KCNQ5: variants seen among roughly 807,000 people sequenced by gnomAD.
The protein encoded by KCNQ5 is potassium voltage-gated channel subfamily KQT member 5.
A neutral mutation model predicts 98.2 loss-of-function variants in KCNQ5; 30 were observed. The observed-to-expected ratio is 0.31, with a 90% confidence interval of 0.23 to 0.41. KCNQ5 has a LOEUF of 0.41. Among genes scored for constraint, KCNQ5 ranks in the 10% least tolerant of loss-of-function variants. The pLI, the probability that KCNQ5 is intolerant of heterozygous loss-of-function variation, is 1.00. For synonymous variants in KCNQ5, 458 were observed against 449.4 expected, an observed-to-expected ratio of 1.02 and a Z score of -0.24; for missense variants, 835 against 1,182.5, an observed-to-expected ratio of 0.71 and a Z score of 4.31.
At chr6:72,874,580 A>G (rs1935509) in intron 1 of KCNQ5, among the ~76,000 whole-genome samples, 26,964 of 152,130 alleles carry the variant, frequency 0.18, 2,730 homozygotes, top group East Asian at 0.3. Flanking sequence ...GAAGAAAAAG[A>G]GCCAAAAGGC....
intron 5 of KCNQ5, among the ~76,000 whole-genome samples, chr6:73,092,741 C>G (rs1774306372): frequency 6.6e-6 from 1 of 152,060 alleles, no homozygotes; most frequent in African/African-American, 2.4e-5. Context: ...TAAACTATCC[C>G]TGCATCCCTG....
intron 3 of KCNQ5, among the ~76,000 whole-genome samples, chr6:73,062,386 G>A (rs942647605): frequency 6.6e-6 from 1 of 152,170 alleles, no homozygotes; most frequent in Non-Finnish European, 1.5e-5. Context: ...GTCCACACCA[G>A]CCATGCCCTT....
chr6:73,003,176 A>C (rs1206726707), intron 1 of KCNQ5, among the ~76,000 whole-genome samples: 1 of 152,142 alleles, frequency 6.6e-6, no homozygotes, highest in East Asian at 1.9e-4. Context: ...CCTAGAAGTT[A>C]CACATTTGTA....
rs1015051615 is a variant in KCNQ5, at chr6:73,129,729, C to G, written c.1248-3692C>G. The G allele has an allele frequency of 2.2e-6, 3 of 1,380,066 alleles. No individual in the cohort carries two copies. In the East Asian group the frequency reaches 7.0e-5, roughly 32 times the overall value. The allele number at this position is 1,380,066 out of a possible 1,614,324, so 85.5% of individuals were successfully genotyped here. On this transcript the variant is annotated intron_variant, in intron 9 of 13. Coordinates refer to ENST00000370398, the MANE Select transcript of KCNQ5 (RefSeq NM_019842.4). Reference sequence around the variant, plus strand: ...AATGGCTTTGTTTTTATAAAAGAATCCCTGAGCACTTTCCTATTCGTGAAA... The same window carrying G: ...AATGGCTTTGTTTTTATAAAAGAATGCCTGAGCACTTTCCTATTCGTGAAA...
At chr6:72,873,546 A>T (rs777607834) in intron 1 of KCNQ5, among the ~76,000 whole-genome samples, 13 of 152,098 alleles carry the variant, frequency 8.5e-5, no homozygotes, top group Non-Finnish European at 1.5e-4. Context: ...TGCTTACATG[A>T]TATTTCTGCT....
chr6:72,802,871 G>T (rs1472218216), intron 1 of KCNQ5, among the ~76,000 whole-genome samples: 1 of 152,064 alleles, frequency 6.6e-6, no homozygotes, highest in Admixed American at 6.6e-5. Flanking sequence ...TGTAAACTCT[G>T]TGCTCATATA....
intron 1 of KCNQ5, among the ~76,000 whole-genome samples, chr6:72,723,350 T>C (rs1469428672): frequency 6.6e-6 from 1 of 152,254 alleles, no homozygotes; most frequent in Non-Finnish European, 1.5e-5. Flanking sequence ...ATGTGTTAAC[T>C]TATTAACGGT....
intron 1 of KCNQ5, among the ~76,000 whole-genome samples, chr6:72,851,581 G>A (rs1022466614): frequency 1.3e-5 from 2 of 152,094 alleles, no homozygotes; most frequent in African/African-American, 2.4e-5. Flanking sequence ...AAGAAGGCAT[G>A]TAGAAGGCAA....
At chr6:73,026,722 T>G (rs1036563697) in intron 2 of KCNQ5, among the ~76,000 whole-genome samples, 5 of 152,190 alleles carry the variant, frequency 3.3e-5, no homozygotes, top group African/African-American at 1.2e-4. Context: ...ATGAGTGGGC[T>G]TATTTTATTT....
intron 1 of KCNQ5, among the ~76,000 whole-genome samples, chr6:72,645,123 C>A (rs1241441469): frequency 2.0e-5 from 3 of 148,246 alleles, no homozygotes; most frequent in East Asian, 4.1e-4. Flanking sequence ...AATCTTAGCA[C>A]TGTGAGAGGC....
intron 1 of KCNQ5, among the ~76,000 whole-genome samples, chr6:72,952,097 G>T (rs896846392): frequency 6.6e-6 from 1 of 152,196 alleles, no homozygotes; most frequent in Non-Finnish European, 1.5e-5. Context: ...AAGGTAAGAA[G>T]GATGGATGGT....
rs1026407821 is a variant in KCNQ5 at position 72,852,640 on chromosome 6, A to AATAAATAAATATATATATATATATAT, written c.399-151265_399-151264insAATAAATATATATATATATATATATA. Among the ~76,000 whole-genome samples the AATAAATAAATATATATATATATATAT allele has an allele frequency of 4.0e-4, 23 of 56,794 alleles. 1 individual carries two copies. The highest frequency in any genetic ancestry group is 0.011 in the Middle Eastern group (1 of 92). The allele number at this position is 56,794 out of a possible 152,430, so 37.3% of individuals were successfully genotyped here. A position where few individuals can be genotyped will look rare whatever the true frequency, so the allele number is the denominator to read the frequency against. ...AGTGGAGAGAAGGAGATGAAGGGGA[A>AATAAATAAATATATATATATATATAT]ATATATATATATATATATATAAATG... On this transcript the variant is annotated intron_variant, in intron 1 of 13. Coordinates refer to ENST00000370398, the MANE Select transcript of KCNQ5 (RefSeq NM_019842.4).
At chr6:73,059,247 A>T (rs368272339) in intron 3 of KCNQ5, among the ~76,000 whole-genome samples, 1 of 152,210 alleles carries the variant, frequency 6.6e-6, no homozygotes, top group East Asian at 1.9e-4. Context: ...AAAGAACAAG[A>T]TCATGTCTTT....
chr6:73,033,133 G>T (rs1771226432), intron 2 of KCNQ5, among the ~76,000 whole-genome samples: 1 of 151,940 alleles, frequency 6.6e-6, no homozygotes, highest in Non-Finnish European at 1.5e-5. Context: ...GGATGCATAG[G>T]GCCACTCCAG....
rs1554689823 is a variant in KCNQ5, at chr6:72,698,648, C to CTTCTT, written c.398+76063_398+76064insCTTTT. ...AAATCTGTGTTTTTTTCTTCTTCTT[C>CTTCTT]TTTTTTTTTTTTTTTTTTTTTTGGA... On this transcript the variant is annotated intron_variant, in intron 1 of 13. Coordinates refer to ENST00000370398, the MANE Select transcript of KCNQ5 (RefSeq NM_019842.4). Among the ~76,000 whole-genome samples the CTTCTT allele has an allele frequency of 6.9e-3, 647 of 94,098 alleles. 8 individuals carry two copies. Among genetic ancestry groups the CTTCTT allele is most frequent in the East Asian group, 0.036 (85 of 2,370 alleles). 61.7% of individuals were successfully genotyped at this position (94,098 alleles called of 152,430 possible). A position where few individuals can be genotyped will look rare whatever the true frequency, so the allele number is the denominator to read the frequency against.
intron 1 of KCNQ5, among the ~76,000 whole-genome samples, chr6:72,854,148 G>A (rs560695652): frequency 5.9e-5 from 9 of 152,226 alleles, no homozygotes; most frequent in African/African-American, 1.7e-4. Context: ...ATTTAAATGA[G>A]TTCTTCTCTG....
At chr6:72,685,996 T>C (rs1767933295) in intron 1 of KCNQ5, among the ~76,000 whole-genome samples, 1 of 152,212 alleles carries the variant, frequency 6.6e-6, no homozygotes, top group Non-Finnish European at 1.5e-5. Flanking sequence ...TCATGTGACC[T>C]CTTCTTTGTG....
intron 1 of KCNQ5, among the ~76,000 whole-genome samples, chr6:72,753,908 G>A (rs1561961545): frequency 6.6e-6 from 1 of 151,958 alleles, no homozygotes; most frequent in Non-Finnish European, 1.5e-5. Flanking sequence ...TTAGTATGTA[G>A]TACTTTTTAA....
intron 1 of KCNQ5, among the ~76,000 whole-genome samples, chr6:72,915,019 G>T (rs548127910): frequency 1.3e-5 from 2 of 152,182 alleles, no homozygotes; most frequent in East Asian, 1.9e-4. Context: ...AAAAGATATA[G>T]AGAGAAAGTT....
Sources: allele counts gnomAD v4.1 joint callset (sites outside exome capture counted in the v4.1 genomes callset), GRCh38; gene constraint gnomAD v4.1.1; transcripts MANE v1.5; gene names NCBI Gene and HGNC (gene_info 2026-07-23, HGNC 2026-07-21).